RAC1: variants seen among roughly 807,000 people sequenced by gnomAD.
The protein encoded by RAC1 is ras-related C3 botulinum toxin substrate 1.
A neutral mutation model predicts 25.2 loss-of-function variants in RAC1; 2 were observed. The observed-to-expected ratio is 0.08, with a 90% CI of 0.03 to 0.25. The LOEUF (loss-of-function observed/expected upper bound fraction) is 0.25, where lower values mean the gene tolerates loss of function less well. RAC1 is among the 10% of genes least tolerant of loss of function. The pLI is 1.00. For synonymous variants in RAC1, 88 were observed against 94.0 expected (o/e 0.94, Z 0.37); for missense variants, 50 against 235.7 (o/e 0.21, Z 5.16).
At chr7:6,390,096 CTTT>C (rs34547258) in intron 2 of RAC1, among the ~76,000 whole-genome samples, 4 of 74,924 alleles carry the variant, frequency 5.3e-5, no homozygotes, top group African/African-American at 1.3e-4. Flanking sequence ...CCCTCCCTCC[CTTT>C]TTTTTTTTTT....
chr7:6,380,598 G>A (rs908095935), intron 1 of RAC1, among the ~76,000 whole-genome samples: 2 of 152,178 alleles, frequency 1.3e-5, no homozygotes, highest in African/African-American at 4.8e-5. Context: ...TTCCTTGAAA[G>A]GAGATGTTTT....
intron 3 of RAC1, among the ~76,000 whole-genome samples, chr7:6,393,593 G>A (rs938841446): frequency 1.1e-4 from 17 of 152,176 alleles, no homozygotes; most frequent in Admixed American, 2.6e-4. Flanking sequence ...AGAGTGTGAC[G>A]CCTGGTATCA....
chr7:6,379,326 G>A (rs1273343614), intron 1 of RAC1, among the ~76,000 whole-genome samples: 1 of 143,648 alleles, frequency 7.0e-6, no homozygotes, highest in African/African-American at 2.6e-5. Context: ...AAAGGTTGGA[G>A]TGCAGTGGTG....
In RAC1 at chr7:6,400,232, C is replaced by T. The variant is rs183889858; in HGVS notation, c.288+44C>T. On this transcript the variant is annotated intron_variant, in intron 4 of 5. Transcript: ENST00000348035. Reference sequence around the variant, plus strand: ...TGTGTATGTAAGTTATAGAATGATCCTCTCAGAAATAAATACTTTAAAATA... The same window carrying T: ...TGTGTATGTAAGTTATAGAATGATCTTCTCAGAAATAAATACTTTAAAATA... 2.0e-3 allele frequency: 2,941 copies of T among 1,500,832 alleles called. 4 individuals carry two copies. The highest frequency in any genetic ancestry group is 2.6e-3 in the Non-Finnish European group (2,754 of 1,079,464). 93.0% of individuals were successfully genotyped at this position (1,500,832 alleles called of 1,614,324 possible). A position where few individuals can be genotyped will look rare whatever the true frequency, so the allele number is the denominator to read the frequency against.
intron 4 of RAC1, among the ~76,000 whole-genome samples, chr7:6,400,988 G>T (rs1783384819): frequency 6.6e-6 from 1 of 151,378 alleles, no homozygotes. Flanking sequence ...ACAGAATCTT[G>T]CACTGTCATC....
At chr7:6,388,537 T>A (rs1054052152) in intron 2 of RAC1, among the ~76,000 whole-genome samples, 1 of 151,720 alleles carries the variant, frequency 6.6e-6, no homozygotes, top group Non-Finnish European at 1.5e-5. Flanking sequence ...TAGAGACGGG[T>A]TTCACCATGT....
chr7:6,383,880 G>A (rs779732288), intron 1 of RAC1, among the ~76,000 whole-genome samples: 88 of 126,818 alleles, frequency 6.9e-4, no homozygotes, highest in South Asian at 1.3e-3. Flanking sequence ...TCGGCTCACT[G>A]CAACTTCCGC....
chr7:6,375,255 T>A (rs1018214563), intron 1 of RAC1, among the ~76,000 whole-genome samples: 26 of 152,200 alleles, frequency 1.7e-4, no homozygotes, highest in African/African-American at 4.3e-4. Flanking sequence ...AACTTTTCTT[T>A]AAAAAAATTT....
intron 1 of RAC1, among the ~76,000 whole-genome samples, chr7:6,386,544 G>A (rs1460577569): frequency 6.6e-6 from 1 of 152,070 alleles, no homozygotes; most frequent in Non-Finnish European, 1.5e-5. Flanking sequence ...CACTTTGGGA[G>A]GTCCAGGTGG....
intron 3 of RAC1, among the ~76,000 whole-genome samples, chr7:6,396,461 T>C (rs2115208290): frequency 6.6e-6 from 1 of 152,220 alleles, no homozygotes; most frequent in Middle Eastern, 3.4e-3. Flanking sequence ...GCAGATGGCA[T>C]AGCACGAACG....
chr7:6,377,090 C>T (rs1782625575), intron 1 of RAC1, among the ~76,000 whole-genome samples: 2 of 151,946 alleles, frequency 1.3e-5, no homozygotes, highest in Admixed American at 6.6e-5. Flanking sequence ...TCGCAGGTGC[C>T]CCTTGCTGAA....
intron 2 of RAC1, among the ~76,000 whole-genome samples, chr7:6,391,023 A>G (rs1463035106): frequency 6.6e-6 from 1 of 152,022 alleles, no homozygotes; most frequent in Admixed American, 6.6e-5. Context: ...CAGCCTCCCA[A>G]GTAGCTGGGA....
At chr7:6,395,200 A>G (rs966398020) in intron 3 of RAC1, among the ~76,000 whole-genome samples, 2 of 152,098 alleles carry the variant, frequency 1.3e-5, no homozygotes, top group African/African-American at 4.8e-5. Context: ...TCCTGACCTC[A>G]GGTGATCCGC....
Position 6,403,311 on chromosome 7 carries a change from CT to C in RAC1, c.*869del. 1 of 209,752 alleles carries C rather than the reference CT, an allele frequency of 4.8e-6. No individual in the cohort carries two copies. Among genetic ancestry groups the C allele is most frequent in the Non-Finnish European group, 9.7e-6 (1 of 103,010 alleles). 13.0% of individuals were successfully genotyped at this position (209,752 alleles called of 1,614,324 possible). A position where few individuals can be genotyped will look rare whatever the true frequency, so the allele number is the denominator to read the frequency against. On this transcript the variant is annotated 3_prime_UTR_variant, in exon 6 of 6. Coordinates refer to ENST00000348035, the MANE Select transcript of RAC1 (RefSeq NM_006908.5). ...TATTATCAGGAAATGTTTTCTTAAG[CT>C]TTTCCTTTCTCTTACACCTGCCATG...
At chr7:6,383,199 G>A (rs1195155263) in intron 1 of RAC1, among the ~76,000 whole-genome samples, 1 of 152,170 alleles carries the variant, frequency 6.6e-6, no homozygotes, top group Non-Finnish European at 1.5e-5. Context: ...GCCAAATACG[G>A]CTTCCATTCT....
At chr7:6,395,027 T>C (rs1783192426) in intron 3 of RAC1, among the ~76,000 whole-genome samples, 1 of 152,156 alleles carries the variant, frequency 6.6e-6, no homozygotes, top group Admixed American at 6.5e-5. Flanking sequence ...ACTAATTTTT[T>C]ATATTTTTAG....
chr7:6,390,807 G>A (rs1332679518), intron 2 of RAC1, among the ~76,000 whole-genome samples: 1 of 151,670 alleles, frequency 6.6e-6, no homozygotes, highest in African/African-American at 2.4e-5. Context: ...TTCCCTTATG[G>A]GGAAAAAAAG....
intron 3 of RAC1, among the ~76,000 whole-genome samples, chr7:6,399,253 C>CT (rs773598345): frequency 2.4e-4 from 37 of 152,230 alleles, no homozygotes; most frequent in Non-Finnish European, 5.1e-4. Context: ...TGGGATGTTT[C>CT]TTTCCCTTTC....
At chr7:6,390,265 T>C (rs1050588599) in intron 2 of RAC1, among the ~76,000 whole-genome samples, 5 of 151,780 alleles carry the variant, frequency 3.3e-5, no homozygotes, top group South Asian at 2.1e-4. Flanking sequence ...TGTACTTCAT[T>C]ATGGTGTCTT....
Sources: gnomAD v4.1 joint callset for allele counts (sites outside exome capture counted in the v4.1 genomes callset) on GRCh38, gnomAD v4.1.1 for gene constraint, MANE v1.5 for transcripts, NCBI Gene and HGNC (gene_info 2026-07-23, HGNC 2026-07-21) for gene names.